ASH1L: variants seen among roughly 807,000 people sequenced by gnomAD.
ASH1L encodes histone-lysine N-methyltransferase ASH1L.
In ASH1L, 23 loss-of-function variants were observed where a neutral mutation model predicts 269.0. The observed-to-expected ratio is 0.09, with a 90% confidence interval of 0.06 to 0.12. The LOEUF (loss-of-function observed/expected upper bound fraction) is 0.12. ASH1L is among the 10% of genes least tolerant of loss of function. ASH1L has a pLI of 1.00. For missense variants in ASH1L, 2,912 were observed against 3,567.8 expected, an observed-to-expected ratio of 0.82 and a Z score of 4.68; for synonymous variants, 1,187 against 1,253.5, an observed-to-expected ratio of 0.95 and a Z score of 1.12.
intron 5 of ASH1L, among the ~76,000 whole-genome samples, chr1:155,432,575 G>T (rs1451853348): frequency 6.6e-6 from 1 of 152,074 alleles, no homozygotes. Context: ...AACTCAGTGT[G>T]TCATGTCCTT....
At chr1:155,513,063 CAAACA>C (rs942273466) in intron 2 of ASH1L, among the ~76,000 whole-genome samples, 8 of 151,586 alleles carry the variant, frequency 5.3e-5, no homozygotes, top group African/African-American at 1.7e-4. Flanking sequence ...CTGTCTCAAA[CAAACA>C]AAACTATAGA....
chr1:155,411,539 G>GTCTTATGATATATA (rs1659759282), intron 6 of ASH1L, among the ~76,000 whole-genome samples: 1 of 127,676 alleles, frequency 7.8e-6, no homozygotes, highest in Non-Finnish European at 1.6e-5. Flanking sequence ...CAGAAGTGTG[G>GTCTTATGATATATA]TCTTATGATA....
At chr1:155,379,910 C>G in intron 8 of ASH1L, 133 bp downstream of exon 8, 1 of 625,766 alleles carries the variant, frequency 1.6e-6, no homozygotes, top group Non-Finnish European at 2.8e-6. Flanking sequence ...TTTCTTAGTC[C>G]TAACCTTCAC....
At chr1:155,357,233 A>G (rs950866510) in intron 15 of ASH1L, 83 bp downstream of exon 15, 72 of 1,131,080 alleles carry the variant, frequency 6.4e-5, no homozygotes, top group African/African-American at 9.3e-5. Context: ...GTGGATCAAC[A>G]ATATAGAAGT....
At chr1:155,404,271 G>A (rs895719057) in intron 6 of ASH1L, among the ~76,000 whole-genome samples, 1 of 151,998 alleles carries the variant, frequency 6.6e-6, no homozygotes, top group Admixed American at 6.6e-5. Context: ...TAAGATGAAC[G>A]CTTGAGTCTA....
At chr1:155,407,225 A>G (rs1659372888) in intron 6 of ASH1L, among the ~76,000 whole-genome samples, 2 of 152,192 alleles carry the variant, frequency 1.3e-5, no homozygotes, top group African/African-American at 4.8e-5. Flanking sequence ...TCCGTCTCAA[A>G]AAAAAAAGTA....
Position 155,438,906 on chromosome 1 carries a change from C to T in ASH1L, c.5249G>A (p.Gly1750Asp), listed in dbSNP as rs1662322305. 6.2e-7 allele frequency: 1 copy of T among 1,613,994 alleles called. No homozygotes were observed. The highest frequency in any genetic ancestry group is 1.3e-5 in the African/African-American group (1 of 74,900). ...GGTTCGGTCCTTGCTGTGGCTACGG[C>T]CTGGACTGGAAGAAGGTGGTGCAGA... ...TASAPPSSSPGRSHSKDRTLG... is the reference protein window; with the variant it reads ...TASAPPSSSPDRSHSKDRTLG... The change falls in exon 5 of 28, where the codon GGC (glycine) becomes GAC (aspartate). Residue 1750 changes from glycine (G) to aspartate (D), a missense_variant. Physicochemically the swap from Gly to Asp is moderately conservative, Grantham distance 94. This residue lies in a region of ASH1L where 789 missense variants were observed against 897.6 expected (regional missense o/e 0.88). Transcript: ENST00000392403.
intron 2 of ASH1L, among the ~76,000 whole-genome samples, chr1:155,506,109 A>G (rs1436629551): frequency 6.6e-6 from 1 of 152,142 alleles, no homozygotes; most frequent in Non-Finnish European, 1.5e-5. Flanking sequence ...TGCCCTTGCA[A>G]TAGTTTGCTC....
intron 4 of ASH1L, among the ~76,000 whole-genome samples, chr1:155,443,564 A>T (rs1662764720): frequency 6.6e-6 from 1 of 152,222 alleles, no homozygotes; most frequent in Non-Finnish European, 1.5e-5. Context: ...CACCCTAAAA[A>T]GTTACTGTGT....
chr1:155,533,037 G>A (rs1352328228), intron 1 of ASH1L, among the ~76,000 whole-genome samples: 1 of 150,692 alleles, frequency 6.6e-6, no homozygotes, highest in Non-Finnish European at 1.5e-5. Flanking sequence ...AACTACTCTG[G>A]AAGACAACTA....
rs553840160 is a variant in ASH1L at position 155,448,039 on chromosome 1, T to C, written c.5087-8971A>G. ...ATCCATTTTGATTTCAGTTTTTGTA[T>C]GTGCTGAGAGACAGGGGTCAAGTTT... On this transcript the variant is annotated intron_variant, in intron 4 of 27. Transcript: ENST00000392403. Among the ~76,000 whole-genome samples the C allele has an allele frequency of 1.2e-3, 184 of 152,366 alleles. 1 individual carries two copies. Among genetic ancestry groups the C allele is most frequent in the Middle Eastern group, 3.4e-3 (1 of 294 alleles).
At chr1:155,515,564 A>G (rs1282478605) in intron 2 of ASH1L, among the ~76,000 whole-genome samples, 1 of 151,954 alleles carries the variant, frequency 6.6e-6, no homozygotes, top group Non-Finnish European at 1.5e-5. Flanking sequence ...ACAGGGACTC[A>G]CTCCTATAAT....
chr1:155,393,606 G>C (rs1337039234), intron 7 of ASH1L, among the ~76,000 whole-genome samples: 6 of 150,534 alleles, frequency 4.0e-5, no homozygotes. Context: ...CCAGGCTGGA[G>C]TGCAGTGGTG....
chr1:155,450,385 C>G (rs1367906858), intron 4 of ASH1L, among the ~76,000 whole-genome samples: 1 of 152,324 alleles, frequency 6.6e-6, no homozygotes, highest in East Asian at 1.9e-4. Context: ...TCTTCAACTG[C>G]TATTCCCAAT....
chr1:155,444,368 G>A (rs890481369), intron 4 of ASH1L, among the ~76,000 whole-genome samples: 1 of 152,108 alleles, frequency 6.6e-6, no homozygotes, highest in Admixed American at 6.6e-5. Flanking sequence ...CAATGACTGA[G>A]TTAAAGATCC....
chr1:155,540,733 C>T (rs1186038138), intron 1 of ASH1L, among the ~76,000 whole-genome samples: 1 of 152,150 alleles, frequency 6.6e-6, no homozygotes, highest in Middle Eastern at 3.4e-3. Context: ...CACACCACTG[C>T]ACTCCAGCCT....
At chr1:155,530,431 T>A (rs1249627294) in intron 1 of ASH1L, among the ~76,000 whole-genome samples, 1 of 152,124 alleles carries the variant, frequency 6.6e-6, no homozygotes. Flanking sequence ...AGCTTCAAAT[T>A]GTCCCCTTTC....
chr1:155,415,805 G>A lies in ASH1L; in HGVS notation c.5947C>T (p.Arg1983Cys), dbSNP rs1232564099. 2 of 1,614,026 alleles carry A rather than the reference G, an allele frequency of 1.2e-6. No homozygotes were observed. Among genetic ancestry groups the A allele is most frequent in the South Asian group, 1.1e-5 (1 of 91,078 alleles). The change falls in exon 6 of 28, where the codon CGT becomes TGT. Residue 1983 changes from arginine to cysteine, a missense_variant. This residue lies in a region of ASH1L where 193 missense variants were observed against 311.6 expected (regional missense o/e 0.62). Transcript: ENST00000392403. ...SLIPREKKPP[R>C]PPKKKYQKAG... Reference sequence around the variant, plus strand: ...TTCTGATACTTCTTCTTTGGGGGACGTGGGGGCTTCTTTTCCCTTGGGATG... The same window carrying A: ...TTCTGATACTTCTTCTTTGGGGGACATGGGGGCTTCTTTTCCCTTGGGATG...
chr1:155,352,315 A>AAAAAAAG (rs1654002043), intron 17 of ASH1L, among the ~76,000 whole-genome samples: 1 of 151,160 alleles, frequency 6.6e-6, no homozygotes. Flanking sequence ...AAAAAAAAAA[A>AAAAAAAG]AAAAAAGACA....
Sources: allele counts gnomAD v4.1 joint callset (sites outside exome capture counted in the v4.1 genomes callset), GRCh38; gene constraint gnomAD v4.1.1; regional missense constraint gnomAD v4.1.1; transcripts MANE v1.5; gene names NCBI Gene and HGNC (gene_info 2026-07-23, HGNC 2026-07-21).